CBLB: variants seen among roughly 807,000 people sequenced by gnomAD.
CBLB encodes E3 ubiquitin-protein ligase CBL-B.
CBLB carries 31 observed loss-of-function variants against 104.9 expected under a neutral mutation model. The ratio of observed to expected loss-of-function variants is 0.30; its 90% confidence interval spans 0.22 to 0.40. The LOEUF (loss-of-function observed/expected upper bound fraction) is 0.40. Ranked by LOEUF, CBLB falls within the 10% of genes least tolerant of loss-of-function variation. The pLI, the probability that CBLB is intolerant of heterozygous loss-of-function variation, is 1.00. For synonymous variants in CBLB, 440 were observed against 422.6 expected (o/e 1.04, Z -0.51); for missense variants, 1,062 against 1,214.6 (o/e 0.87, Z 1.87).
intron 6 of CBLB, among the ~76,000 whole-genome samples, chr3:105,744,086 GT>G (rs1469282251): frequency 6.6e-6 from 1 of 152,116 alleles, no homozygotes; most frequent in Admixed American, 6.5e-5. Flanking sequence ...GAGGGCAGTA[GT>G]TTTTTACTAA....
At chr3:105,694,025 G>A (rs760610157) in intron 12 of CBLB, among the ~76,000 whole-genome samples, 7 of 151,840 alleles carry the variant, frequency 4.6e-5, no homozygotes, top group South Asian at 2.1e-4. Context: ...CATGGTGAAC[G>A]GAACATTCTT....
chr3:105,711,741 T>C (rs78230592), intron 10 of CBLB, among the ~76,000 whole-genome samples: 2 of 152,106 alleles, frequency 1.3e-5, no homozygotes, highest in East Asian at 3.8e-4. Flanking sequence ...CATTTTTTTT[T>C]CTACTTCTTA....
intron 2 of CBLB, among the ~76,000 whole-genome samples, chr3:105,859,192 CAT>C (rs970941478): frequency 1.3e-5 from 2 of 152,084 alleles, no homozygotes; most frequent in Non-Finnish European, 2.9e-5. Context: ...GCCTGTGAAA[CAT>C]AGGAAAGAAC....
chr3:105,799,593 A>AT (rs113727480), intron 3 of CBLB, among the ~76,000 whole-genome samples: 175 of 151,654 alleles, frequency 1.2e-3, no homozygotes, highest in African/African-American at 4.0e-3. Context: ...CATACAAGTG[A>AT]TTTTTTTATT....
chr3:105,702,503 A>AAAT, intron 11 of CBLB, 44 bp from the exon 12 acceptor site: 3 of 1,450,234 alleles, frequency 2.1e-6, no homozygotes, highest in Non-Finnish European at 2.8e-6. Context: ...AAAAAAACTA[A>AAAT]AGGTTGTACC....
intron 3 of CBLB, among the ~76,000 whole-genome samples, chr3:105,851,529 C>A (rs1172659423): frequency 6.6e-6 from 1 of 152,166 alleles, no homozygotes; most frequent in Non-Finnish European, 1.5e-5. Context: ...AAACTCTAGG[C>A]TTTAGTTAAT....
At chr3:105,868,304 C>A (rs1339439857) in intron 1 of CBLB, 8 of 977,440 alleles carry the variant, frequency 8.2e-6, no homozygotes, top group Middle Eastern at 3.6e-4. Flanking sequence ...TTCTCTGGCT[C>A]CTCGCCTCTG....
chr3:105,761,788 G>A (rs909336878), intron 4 of CBLB, among the ~76,000 whole-genome samples: 2 of 152,200 alleles, frequency 1.3e-5, no homozygotes, highest in Admixed American at 6.5e-5. Flanking sequence ...TTTGGAACTG[G>A]ATAACAGGGA....
chr3:105,725,124 A>G (rs1034925916), intron 9 of CBLB, among the ~76,000 whole-genome samples: 2 of 152,222 alleles, frequency 1.3e-5, no homozygotes. Context: ...TATCAAAATT[A>G]AAAAAACTAC....
intron 3 of CBLB, among the ~76,000 whole-genome samples, chr3:105,852,705 C>A (rs2091105026): frequency 6.6e-6 from 1 of 151,558 alleles, no homozygotes; most frequent in South Asian, 2.1e-4. Context: ...GCATGTTATA[C>A]AGGTTATTAC....
intron 16 of CBLB, among the ~76,000 whole-genome samples, chr3:105,678,775 T>C (rs2065950634): frequency 1.3e-5 from 2 of 152,134 alleles, no homozygotes; most frequent in African/African-American, 4.8e-5. Flanking sequence ...TGCACACATA[T>C]ACATACATAC....
Position 105,853,396 on chromosome 3 carries a change from C to T in CBLB, c.419+18G>A. On this transcript the variant is annotated intron_variant, in intron 3 of 18. Transcript: ENST00000394030. ...ATAAATGACCTTTACACCAAAACAT[C>T]TGAAATATTCTTCTTACCTGTCCTG... The T allele has an allele frequency of 6.2e-7, 1 of 1,612,972 alleles. No individual in the cohort carries two copies. Among genetic ancestry groups the T allele is most frequent in the Non-Finnish European group, 8.5e-7 (1 of 1,179,328 alleles).
At chr3:105,701,195 T>C (rs1017787232) in intron 12 of CBLB, among the ~76,000 whole-genome samples, 1 of 152,198 alleles carries the variant, frequency 6.6e-6, no homozygotes, top group Non-Finnish European at 1.5e-5. Flanking sequence ...CATAAACTCC[T>C]TCCTGGACAT....
chr3:105,865,073 T>TA (rs925416220), intron 2 of CBLB, among the ~76,000 whole-genome samples: 3 of 152,190 alleles, frequency 2.0e-5, no homozygotes, highest in Non-Finnish European at 4.4e-5. Flanking sequence ...GTTATTTTTT[T>TA]AAAAAGGTAA....
intron 5 of CBLB, among the ~76,000 whole-genome samples, chr3:105,750,833 G>A (rs2076532366): frequency 6.6e-6 from 1 of 152,130 alleles, no homozygotes; most frequent in Non-Finnish European, 1.5e-5. Context: ...GAGAAAATGT[G>A]GGAAAAGACC....
chr3:105,693,443 T>TTC (rs397830010), intron 13 of CBLB, 51 bp downstream of exon 13: 20 of 1,109,386 alleles, frequency 1.8e-5, no homozygotes, highest in African/African-American at 3.8e-5. Flanking sequence ...AAAACCACTC[T>TTC]ACCATATCTT....
intron 3 of CBLB, among the ~76,000 whole-genome samples, chr3:105,835,620 G>T (rs190425413): frequency 1.3e-5 from 2 of 152,174 alleles, no homozygotes; most frequent in Non-Finnish European, 2.9e-5. Flanking sequence ...AATTGCAGTG[G>T]ATTGCTAACA....
intron 3 of CBLB, among the ~76,000 whole-genome samples, chr3:105,819,243 T>C (rs113972674): frequency 1.1e-3 from 174 of 152,262 alleles, no homozygotes; most frequent in African/African-American, 4.0e-3. Context: ...TCCCAGCACT[T>C]TGGGAGGCCA....
rs191613812 is a variant in CBLB, at chr3:105,761,432, C to T, written c.567-9814G>A. ...TAGTTCCCACATGTTGTGGGAGGGA[C>T]CAGGTGGGAGATAACTGAATCATGG... On this transcript the variant is annotated intron_variant, in intron 4 of 18. Transcript: ENST00000394030. Among the ~76,000 whole-genome samples, 54 of 152,260 alleles carry T rather than the reference C, an allele frequency of 3.5e-4. No homozygotes were observed. In the East Asian group the frequency reaches 7.5e-3, roughly 21 times the overall value.
Sources: gnomAD v4.1 joint callset for allele counts (sites outside exome capture counted in the v4.1 genomes callset) on GRCh38, gnomAD v4.1.1 for gene constraint, MANE v1.5 for transcripts, NCBI Gene and HGNC (gene_info 2026-07-23, HGNC 2026-07-21) for gene names.